The following CD1B variants were observed in gnomAD, a reference collection of about 807,000 sequenced individuals.
CD1B encodes the protein T-cell surface glycoprotein CD1b.
In CD1B, 43 loss-of-function variants were observed where a neutral mutation model predicts 39.8. The observed-to-expected ratio is 1.08, with a 90% CI of 0.85 to 1.39. The LOEUF (loss-of-function observed/expected upper bound fraction) is 1.39. Among genes scored for constraint, CD1B ranks in the 40% most tolerant of loss-of-function variants. CD1B has a pLI of 0.00. For missense variants in CD1B, 495 were observed against 403.8 expected (o/e 1.23, Z -1.94); for synonymous variants, 192 against 152.5 (o/e 1.26, Z -1.91).
At chr1:158,305,670 G>A in the CD1B span, among the ~76,000 whole-genome samples, 1 of 152,302 alleles carries the variant, frequency 6.6e-6, no homozygotes, top group East Asian at 1.9e-4. Flanking sequence ...AATGTTAAGG[G>A]CAGCCAGAGA....
Position 158,328,232 on chromosome 1 carries a change from T to A in CD1B, c.*4A>T, listed in dbSNP as rs778310172. On this transcript the variant is annotated 3_prime_UTR_variant, in exon 6 of 6. Coordinates refer to ENST00000368168, the MANE Select transcript of CD1B (RefSeq NM_001764.3). ...GCGAATGGGAGAGGAGACATGATGA[T>A]GGCTCATGGGATATTCTGATATGAC... 1.1e-5 allele frequency: 17 copies of A among 1,611,938 alleles called. No individual in the cohort carries two copies. The highest frequency in any genetic ancestry group is 1.4e-5 in the Non-Finnish European group (17 of 1,178,360).
chr1:158,324,584 T>C (rs910448108), downstream of CD1B, among the ~76,000 whole-genome samples: 4 of 152,158 alleles, frequency 2.6e-5, no homozygotes, highest in African/African-American at 4.8e-5. Context: ...GTTAAACACA[T>C]AGTTTTGAAT....
At chr1:158,324,939 G>C (rs1245103386), downstream of CD1B, among the ~76,000 whole-genome samples, 3 of 152,086 alleles carry the variant, frequency 2.0e-5, no homozygotes, top group African/African-American at 7.2e-5. Context: ...CAACTACTAT[G>C]ATAGATACAA....
At chr1:158,289,269 T>C in the CD1B span, among the ~76,000 whole-genome samples, 2 of 152,248 alleles carry the variant, frequency 1.3e-5, no homozygotes, top group Non-Finnish European at 2.9e-5. Flanking sequence ...TCTGTGTGTT[T>C]ATATGCCTAG....
the CD1B span, among the ~76,000 whole-genome samples, chr1:158,321,519 A>T: frequency 1.3e-5 from 2 of 152,230 alleles, no homozygotes; most frequent in Non-Finnish European, 2.9e-5. Flanking sequence ...GTAACTACCA[A>T]TAGGTAAGGA....
chr1:158,306,882 C>A, the CD1B span, among the ~76,000 whole-genome samples: 1 of 152,108 alleles, frequency 6.6e-6, no homozygotes, highest in East Asian at 1.9e-4. Context: ...TTGAAACCAA[C>A]GAGAACAAAG....
the CD1B span, among the ~76,000 whole-genome samples, chr1:158,313,112 C>T: frequency 6.7e-6 from 1 of 148,556 alleles, no homozygotes; most frequent in Non-Finnish European, 1.5e-5. Flanking sequence ...TGATTACGTG[C>T]TTTTGTCCTT....
the CD1B span, among the ~76,000 whole-genome samples, chr1:158,308,755 T>C: frequency 5.9e-5 from 9 of 152,282 alleles, no homozygotes; most frequent in African/African-American, 2.2e-4. Context: ...TAATAAATGG[T>C]GCTGGGAAAA....
At chr1:158,304,145 C>T in the CD1B span, among the ~76,000 whole-genome samples, 16 of 152,156 alleles carry the variant, frequency 1.1e-4, no homozygotes, top group Admixed American at 4.6e-4. Flanking sequence ...GATGAGGCAT[C>T]GCCTCACCTG....
chr1:158,318,128 A>G, the CD1B span, among the ~76,000 whole-genome samples: 5 of 152,158 alleles, frequency 3.3e-5, no homozygotes, highest in African/African-American at 1.2e-4. Context: ...GCTGAAAAAA[A>G]TGTATATTCT....
the CD1B span, chr1:158,293,412 C>T: frequency 7.5e-6 from 12 of 1,610,158 alleles, no homozygotes; most frequent in African/African-American, 1.3e-5. Flanking sequence ...CAGTTACCAC[C>T]TCCAACTTAT....
In CD1B at chr1:158,331,026, G is replaced by A. The variant is rs1433449677; in HGVS notation, c.98C>T (p.Thr33Ile). ...CCAGGTACTATTGGTAAAGGACGAGGTCTGGATAACATGAAAGGAGGTCGG... is the reference window on the plus strand; with the variant it reads ...CCAGGTACTATTGGTAAAGGACGAGATCTGGATAACATGAAAGGAGGTCGG... ...QGPTSFHVIQTSSFTNSTWAQ... is the reference protein window; with the variant it reads ...QGPTSFHVIQISSFTNSTWAQ... Residue 33 changes from threonine to isoleucine, a missense_variant, in exon 2 of 6, where the codon ACC (threonine) becomes ATC (isoleucine). Physicochemically the swap from Thr to Ile is moderately conservative, Grantham distance 89 (BLOSUM62 -1). Transcript: ENST00000368168. 6.2e-7 allele frequency: 1 copy of A among 1,613,960 alleles called. No individual in the cohort carries two copies. The highest frequency in any genetic ancestry group is 8.5e-7 in the Non-Finnish European group (1 of 1,179,966).
chr1:158,303,534 G>T, the CD1B span, among the ~76,000 whole-genome samples: 1 of 152,178 alleles, frequency 6.6e-6, no homozygotes, highest in African/African-American at 2.4e-5. Context: ...CATAGTCTCT[G>T]TGCAAAGGGT....
the CD1B span, chr1:158,292,935 GA>G: frequency 3.9e-6 from 6 of 1,538,098 alleles, no homozygotes; most frequent in Non-Finnish European, 3.6e-6. Context: ...TAGGGGAGAG[GA>G]AATTTTGAGG....
the CD1B span, among the ~76,000 whole-genome samples, chr1:158,318,250 C>T: frequency 1.3e-5 from 2 of 152,050 alleles, no homozygotes; most frequent in Admixed American, 6.6e-5. Flanking sequence ...TCTGTCTAAT[C>T]TTGACAGTGG....
At chr1:158,329,131 T>C in intron 4 of CD1B, 117 bp from the exon 5 acceptor site, 1 of 991,160 alleles carries the variant, frequency 1.0e-6, no homozygotes, top group East Asian at 2.6e-5. Context: ...CTCTCTCATA[T>C]TCCTGGCCAC....
intron 4 of CD1B, 27 bp downstream of exon 4, chr1:158,329,343 C>A: frequency 6.3e-7 from 1 of 1,597,002 alleles, no homozygotes; most frequent in Non-Finnish European, 8.6e-7. Context: ...CCTGGCATTT[C>A]CAGCCTGGGT....
intron 1 of CD1B, 96 bp downstream of exon 1, chr1:158,331,267 G>A: frequency 8.1e-7 from 1 of 1,230,604 alleles, no homozygotes; most frequent in Non-Finnish European, 1.2e-6. Context: ...GAAAGACCCA[G>A]ACCCTTAGTG....
chr1:158,292,439 T>C, the CD1B span: 3 of 1,526,826 alleles, frequency 2.0e-6, no homozygotes, highest in Non-Finnish European at 1.8e-6. Flanking sequence ...CCCTTCAAAC[T>C]CAGGACAAGA....
Sources: allele counts gnomAD v4.1 joint callset (sites outside exome capture counted in the v4.1 genomes callset), GRCh38; gene constraint gnomAD v4.1.1; transcripts MANE v1.5; gene names NCBI Gene and HGNC (gene_info 2026-07-23, HGNC 2026-07-21).